The following MEGF10 variants were observed in gnomAD, a reference collection of about 807,000 sequenced individuals.
The protein encoded by MEGF10 is multiple epidermal growth factor-like domains protein 10.
A neutral mutation model predicts 147.5 loss-of-function variants in MEGF10; 86 were observed. The ratio of observed to expected loss-of-function variants is 0.58; its 90% CI spans 0.49 to 0.70. The LOEUF (loss-of-function observed/expected upper bound fraction) is 0.70. Ranked by LOEUF, MEGF10 falls within the 30% of genes least tolerant of loss-of-function variation. The probability of loss-of-function intolerance (pLI) is 0.00; values close to 1 mark genes in which losing one functional copy is unlikely to be tolerated. For synonymous variants in MEGF10, 478 were observed against 525.5 expected, an observed-to-expected ratio of 0.91 and a Z score of 1.24; for missense variants, 1,329 against 1,487.3, an observed-to-expected ratio of 0.89 and a Z score of 1.75.
the MEGF10 span, among the ~76,000 whole-genome samples, chr5:127,238,835 A>T: frequency 9.1e-3 from 1,385 of 152,312 alleles, 30 homozygotes; most frequent in African/African-American, 0.032. Flanking sequence ...ATGGCTCATG[A>T]GGAAATAGAA....
At chr5:127,411,210 C>G (rs1000411606) in intron 9 of MEGF10, among the ~76,000 whole-genome samples, 4 of 152,178 alleles carry the variant, frequency 2.6e-5, no homozygotes, top group African/African-American at 9.7e-5. Flanking sequence ...CGATCCTACC[C>G]ACCCTACTGT....
chr5:127,231,092 T>C, the MEGF10 span, among the ~76,000 whole-genome samples: 1 of 152,200 alleles, frequency 6.6e-6, no homozygotes. Context: ...GCTTCAGCTC[T>C]AAAGAACTGA....
intron 22 of MEGF10, among the ~76,000 whole-genome samples, chr5:127,452,238 G>C (rs1210202266): frequency 1.3e-5 from 2 of 152,198 alleles, no homozygotes; most frequent in Admixed American, 1.3e-4. Context: ...CTCCATGCTG[G>C]TTCTCTCTTT....
chr5:127,312,179 A>T (rs1481820846), intron 1 of MEGF10, among the ~76,000 whole-genome samples: 2 of 152,192 alleles, frequency 1.3e-5, no homozygotes, highest in Non-Finnish European at 2.9e-5. Context: ...GAAGGCAAAG[A>T]GGGATGGAAG....
At chr5:127,401,063 A>G (rs1374573937) in intron 7 of MEGF10, among the ~76,000 whole-genome samples, 7 of 152,210 alleles carry the variant, frequency 4.6e-5, no homozygotes, top group Admixed American at 4.6e-4. Flanking sequence ...AAAATATTTC[A>G]GCGCATTTCT....
chr5:127,379,064 C>CTTTTTTTTTTT (rs35798578), intron 5 of MEGF10, among the ~76,000 whole-genome samples: 6 of 121,468 alleles, frequency 4.9e-5, no homozygotes, highest in East Asian at 4.6e-4. Flanking sequence ...ATTGATTTTT[C>CTTTTTTTTTTT]TTTTTTTTTT....
chr5:127,350,472 A>G (rs745802685), intron 4 of MEGF10, among the ~76,000 whole-genome samples: 1 of 151,406 alleles, frequency 6.6e-6, no homozygotes, highest in Non-Finnish European at 1.5e-5. Context: ...CCTGCCCTCC[A>G]TTCCTTTTTT....
intron 4 of MEGF10, among the ~76,000 whole-genome samples, chr5:127,368,510 A>G (rs974240534): frequency 1.3e-5 from 2 of 152,168 alleles, no homozygotes; most frequent in African/African-American, 4.8e-5. Flanking sequence ...AATTCTCACA[A>G]TAAAGCCCCA....
At chr5:127,354,295 A>G (rs1454558878) in intron 4 of MEGF10, among the ~76,000 whole-genome samples, 1 of 152,236 alleles carries the variant, frequency 6.6e-6, no homozygotes, top group East Asian at 1.9e-4. Context: ...TTTTCCTTCC[A>G]GGAGGCAGAT....
At chr5:127,269,695 T>G in the MEGF10 span, among the ~76,000 whole-genome samples, 3 of 152,094 alleles carry the variant, frequency 2.0e-5, no homozygotes, top group African/African-American at 7.2e-5. Context: ...AATTCCCCGA[T>G]CTAGCAAGGC....
At chr5:127,419,336 T>C (rs1027165114) in intron 11 of MEGF10, 96 bp downstream of exon 11, 7 of 1,454,148 alleles carry the variant, frequency 4.8e-6, no homozygotes, top group Non-Finnish European at 5.5e-6. Flanking sequence ...CTAGCTCCAG[T>C]TGCACCAAAA....
chr5:127,417,798 G>A lies in MEGF10; in HGVS notation c.1291G>A (p.Ala431Thr). ...CAGTGTGACTGGAAAGTGCACCTGTGCCCCAGGATTCAAAGTGAGTGACTA... is the reference window on the plus strand; with the variant it reads ...CAGTGTGACTGGAAAGTGCACCTGTACCCCAGGATTCAAAGTGAGTGACTA... Reference protein sequence around the residue: ...CDSVTGKCTCAPGFKGIDCST... With the variant: ...CDSVTGKCTCTPGFKGIDCST... Residue 431 changes from alanine to threonine, a missense_variant, in exon 10 of 25, where the codon GCC becomes ACC. Transcript: ENST00000503335. 2 of 1,613,886 alleles carry A rather than the reference G, an allele frequency of 1.2e-6. No individual in the cohort carries two copies. Among genetic ancestry groups the A allele is most frequent in the Middle Eastern group, 1.7e-4 (1 of 6,010 alleles).
chr5:127,402,764 A>T, intron 8 of MEGF10, 82 bp downstream of exon 8: 4 of 1,455,048 alleles, frequency 2.7e-6, no homozygotes, highest in Non-Finnish European at 2.8e-6. Context: ...CATCTTCAAT[A>T]CCATGTGTCC....
At chr5:127,330,749 G>A (rs1019861087) in intron 1 of MEGF10, among the ~76,000 whole-genome samples, 3 of 152,160 alleles carry the variant, frequency 2.0e-5, no homozygotes, top group African/African-American at 7.2e-5. Context: ...GATAGGGACT[G>A]GTTCTGTGTT....
At chr5:127,454,632 G>T (rs1258043068) in intron 23 of MEGF10, 22 bp downstream of exon 23, 12 of 1,593,954 alleles carry the variant, frequency 7.5e-6, no homozygotes, top group Non-Finnish European at 8.5e-6. Context: ...ATTTGAAGAA[G>T]AAATCAGAAG....
the MEGF10 span, among the ~76,000 whole-genome samples, chr5:127,245,427 C>A: frequency 6.6e-6 from 1 of 152,042 alleles, no homozygotes; most frequent in South Asian, 2.1e-4. Flanking sequence ...GAAACTAGAC[C>A]CCTTCCTTAC....
At chr5:127,276,417 C>T in the MEGF10 span, among the ~76,000 whole-genome samples, 1,952 of 152,332 alleles carry the variant, frequency 0.013, 18 homozygotes, top group Non-Finnish European at 0.02. Context: ...AGCTTCTCCT[C>T]CCTTCCTTTA....
chr5:127,268,553 C>T, the MEGF10 span, among the ~76,000 whole-genome samples: 3 of 152,124 alleles, frequency 2.0e-5, no homozygotes, highest in African/African-American at 7.2e-5. Flanking sequence ...GGGCGCCCAC[C>T]GTTGGTGAGG....
At chr5:127,444,255 T>G (rs1308445432) in intron 19 of MEGF10, among the ~76,000 whole-genome samples, 1 of 152,236 alleles carries the variant, frequency 6.6e-6, no homozygotes, top group Non-Finnish European at 1.5e-5. Context: ...TGGAGTAATC[T>G]TAAACTGCAG....
Sources: gnomAD v4.1 joint callset for allele counts (sites outside exome capture counted in the v4.1 genomes callset) on GRCh38, gnomAD v4.1.1 for gene constraint, MANE v1.5 for transcripts, NCBI Gene and HGNC (gene_info 2026-07-23, HGNC 2026-07-21) for gene names.